NIPSNAP2: variants seen among roughly 807,000 people sequenced by gnomAD.
NIPSNAP2 encodes nipsnap homolog 2.
In NIPSNAP2, 42 loss-of-function variants were observed where a neutral mutation model predicts 48.4. The observed-to-expected ratio is 0.87, with a 90% CI of 0.68 to 1.12. The LOEUF (loss-of-function observed/expected upper bound fraction) is 1.12. Ranked by LOEUF, NIPSNAP2 falls within the 50% of genes most tolerant of loss-of-function variation. The pLI is 0.00. For synonymous variants in NIPSNAP2, 158 were observed against 126.6 expected, an observed-to-expected ratio of 1.25 and a Z score of -1.67; for missense variants, 314 against 347.3, an observed-to-expected ratio of 0.90 and a Z score of 0.76.
rs566449718 is a variant in NIPSNAP2, at chr7:55,975,214, A to G, written c.93-2912A>G. On this transcript the variant is annotated intron_variant, in intron 1 of 9. Transcript: ENST00000322090. Reference sequence around the variant, plus strand: ...TAGAAAATACAAAAATTAACCAGGCATGGTGGTGTGCATATGTTGTCCCAG... The same window carrying G: ...TAGAAAATACAAAAATTAACCAGGCGTGGTGGTGTGCATATGTTGTCCCAG... 1.1e-4 allele frequency among the ~76,000 whole-genome samples: 17 copies of G among 152,092 alleles called. 1 individual carries two copies. The South Asian group carries it at 2.3e-3, about 20-fold the overall frequency.
At chr7:55,986,076 G>A (rs185445694) in intron 7 of NIPSNAP2, among the ~76,000 whole-genome samples, 6 of 151,796 alleles carry the variant, frequency 4.0e-5, no homozygotes, top group Admixed American at 3.9e-4. Flanking sequence ...TAAAAATAAA[G>A]ACTGGGCATG....
intron 7 of NIPSNAP2, among the ~76,000 whole-genome samples, chr7:55,987,521 A>G (rs971695780): frequency 6.6e-5 from 10 of 152,132 alleles, no homozygotes; most frequent in African/African-American, 2.4e-4. Flanking sequence ...CCAGCTACTC[A>G]GCAGGCTGAG....
intron 3 of NIPSNAP2, 25 bp downstream of exon 3, chr7:55,978,420 C>G: frequency 6.3e-7 from 1 of 1,582,686 alleles, no homozygotes; most frequent in Non-Finnish European, 8.6e-7. Context: ...CTATCCTTTA[C>G]TTGGGGAAAA....
At chr7:55,983,951 G>C in intron 6 of NIPSNAP2, 83 bp downstream of exon 6, 1 of 1,265,050 alleles carries the variant, frequency 7.9e-7, no homozygotes, top group South Asian at 1.3e-5. Flanking sequence ...CAGAACTTGT[G>C]TGTACATTCT....
At chr7:55,986,983 T>TAAA (rs71561981) in intron 7 of NIPSNAP2, among the ~76,000 whole-genome samples, 28 of 54,784 alleles carry the variant, frequency 5.1e-4, no homozygotes, top group South Asian at 8.0e-4. Context: ...CCTGTCTCTA[T>TAAA]AAAAAAAAAA....
intron 7 of NIPSNAP2, among the ~76,000 whole-genome samples, chr7:55,985,179 C>T (rs1261663871): frequency 6.6e-6 from 1 of 152,130 alleles, no homozygotes. Flanking sequence ...CTATTTCATT[C>T]ATAAATATTT....
chr7:55,983,724 A>G lies in NIPSNAP2; in HGVS notation c.445-4A>G, dbSNP rs979756054. 4 of 1,612,586 alleles carry G rather than the reference A, an allele frequency of 2.5e-6. No homozygotes were observed. In the African/African-American group the frequency reaches 4.0e-5, roughly 16 times the overall value. ...TTTCATGAGCACATTTTTTTCACTC[A>G]AAGGAATTTTTGGAATTTCGTAAGG... On this transcript the variant is annotated splice_polypyrimidine_tract_variant and splice_region_variant and intron_variant, in intron 5 of 9. Coordinates refer to ENST00000322090, the MANE Select transcript of NIPSNAP2 (RefSeq NM_001483.3).
intron 9 of NIPSNAP2, among the ~76,000 whole-genome samples, chr7:55,997,664 A>C (rs1348933234): frequency 6.6e-6 from 1 of 152,172 alleles, no homozygotes; most frequent in East Asian, 1.9e-4. Flanking sequence ...TAGGTATATC[A>C]TCTGTTACAG....
At position 55,970,434 on chromosome 7, in the gene NIPSNAP2, G is replaced by A. The variant is rs565765084; in HGVS notation, c.92+5733G>A. 2.7e-5 allele frequency among the ~76,000 whole-genome samples: 4 copies of A among 150,902 alleles called. No homozygotes were observed. In the East Asian group the frequency reaches 5.9e-4, roughly 22 times the overall value. On this transcript the variant is annotated intron_variant, in intron 1 of 9. Coordinates refer to ENST00000322090, the MANE Select transcript of NIPSNAP2 (RefSeq NM_001483.3). ...AGTGATTCTCCTGCCTCAGCCTCCC[G>A]AGTAGCTGGGACTACAGGCGTCCAC...
intron 1 of NIPSNAP2, among the ~76,000 whole-genome samples, chr7:55,970,903 A>G (rs1393282842): frequency 6.6e-6 from 1 of 151,966 alleles, no homozygotes; most frequent in Non-Finnish European, 1.5e-5. Flanking sequence ...TGGTGGGTTC[A>G]CTTGAGCTCT....
At chr7:55,993,778 T>C (rs1467352075) in intron 7 of NIPSNAP2, among the ~76,000 whole-genome samples, 1 of 152,094 alleles carries the variant, frequency 6.6e-6, no homozygotes, top group Non-Finnish European at 1.5e-5. Context: ...AGTGGGAAAT[T>C]CTTAAAGTTT....
rs2289062 is a variant in NIPSNAP2 at position 55,999,431 on chromosome 7, A to C, written c.*359A>C. 0.19 allele frequency: 32,932 copies of C among 174,054 alleles called. 3,695 individuals carry two copies. The highest frequency in any genetic ancestry group is 0.33 in the East Asian group (2,202 of 6,624). The allele number at this position is 174,054 out of a possible 1,614,324, so 10.8% of individuals were successfully genotyped here. A position where few individuals can be genotyped will look rare whatever the true frequency, so the allele number is the denominator to read the frequency against. The stretch of plus-strand genomic sequence containing the variant: ...TTTAGCCATTTCTTTACTAAAAAAA[A>C]CCAAAAAACAAATCTGTTTTATAAT... On this transcript the variant is annotated 3_prime_UTR_variant, in exon 10 of 10. Transcript: ENST00000322090.
At chr7:55,971,196 G>A (rs1787010188) in intron 1 of NIPSNAP2, among the ~76,000 whole-genome samples, 1 of 152,156 alleles carries the variant, frequency 6.6e-6, no homozygotes, top group Admixed American at 6.5e-5. Flanking sequence ...GCTGCGACTC[G>A]AATGACTAGA....
At chr7:55,997,499 C>T (rs770959617) in intron 9 of NIPSNAP2, 50 bp downstream of exon 9, 11 of 1,381,740 alleles carry the variant, frequency 8.0e-6, no homozygotes, top group Admixed American at 1.7e-5. Flanking sequence ...CTGTTTCAAT[C>T]ATGTTCTTTC....
chr7:55,992,397 G>A (rs1787472393), intron 7 of NIPSNAP2, among the ~76,000 whole-genome samples: 1 of 152,190 alleles, frequency 6.6e-6, no homozygotes, highest in South Asian at 2.1e-4. Context: ...GGCCGGGGCA[G>A]GAGGCTCCCT....
chr7:55,967,925 C>G (rs1786930776), intron 1 of NIPSNAP2, among the ~76,000 whole-genome samples: 1 of 151,848 alleles, frequency 6.6e-6, no homozygotes, highest in Non-Finnish European at 1.5e-5. Flanking sequence ...GCTGGCATTA[C>G]AGGGATGAAT....
At position 55,975,095 on chromosome 7, in the gene NIPSNAP2, G is replaced by A. The variant is rs10244432; in HGVS notation, c.93-3031G>A. ...TAGCTGGGCATGGTGGCTCATGCTC[G>A]AAATCTCAACACTTCAGGAGGCCAA... is the stretch of plus-strand genomic sequence containing the variant. On this transcript the variant is annotated intron_variant, in intron 1 of 9. Transcript: ENST00000322090. Among the ~76,000 whole-genome samples the A allele has an allele frequency of 8.7e-3, 1,323 of 152,144 alleles. 21 individuals are homozygous for A. Among genetic ancestry groups the A allele is most frequent in the African/African-American group, 0.03 (1,261 of 41,474 alleles).
intron 3 of NIPSNAP2, chr7:55,979,559 G>GT: frequency 3.0e-6 from 1 of 336,672 alleles, no homozygotes; most frequent in Non-Finnish European, 5.9e-6. Context: ...TGGTTCTCTT[G>GT]TTTCCTTCTC....
chr7:55,975,894 C>T lies in NIPSNAP2; in HGVS notation c.93-2232C>T, dbSNP rs1468341630. Among the ~76,000 whole-genome samples, 8 of 152,192 alleles carry T rather than the reference C, an allele frequency of 5.3e-5. No individual in the cohort carries two copies. The South Asian group carries it at 1.0e-3, about 20-fold the overall frequency. ...TTCTACTAAAAATACAAAAATTAGC[C>T]GTGCACGGTGGCACACCATGTAGTC... On this transcript the variant is annotated intron_variant, in intron 1 of 9. Transcript: ENST00000322090.
Sources: allele counts gnomAD v4.1 joint callset (sites outside exome capture counted in the v4.1 genomes callset), GRCh38; gene constraint gnomAD v4.1.1; transcripts MANE v1.5; gene names NCBI Gene and HGNC (gene_info 2026-07-23, HGNC 2026-07-21).